SDK2: variants seen among roughly 807,000 people sequenced by gnomAD.
SDK2 encodes the protein sidekick cell adhesion molecule 2.
SDK2 carries 105 observed loss-of-function variants against 253.9 expected under a neutral mutation model. The ratio of observed to expected loss-of-function variants is 0.41; its 90% CI spans 0.35 to 0.49. The LOEUF (loss-of-function observed/expected upper bound fraction) is 0.49. Among genes scored for constraint, SDK2 ranks in the 20% least tolerant of loss-of-function variants. The pLI is 0.06. For synonymous variants in SDK2, 1,249 were observed against 1,234.9 expected (o/e 1.01, Z -0.24); for missense variants, 2,608 against 3,003.0 (o/e 0.87, Z 3.07).
At chr17:73,423,295 A>G in intron 14 of SDK2, 91 bp downstream of exon 14, 1 of 1,219,242 alleles carries the variant, frequency 8.2e-7, no homozygotes, top group Non-Finnish European at 1.1e-6. Context: ...GCCCAGAACT[A>G]GGAAGCAGGA....
In SDK2 at chr17:73,465,844, C is replaced by T. The variant is rs2063593101; in HGVS notation, c.331+6268G>A. On this transcript the variant is annotated intron_variant, in intron 3 of 44. Transcript: ENST00000392650. The surrounding 1 kb of genome is among the most constrained non-coding windows in gnomAD (Gnocchi z 4.2). Reference sequence around the variant, plus strand: ...TTAGGGCCCCAGGACAAGCCCTTGTCACCCCAGGAGACAGGAACAGCCAAG... The same window carrying T: ...TTAGGGCCCCAGGACAAGCCCTTGTTACCCCAGGAGACAGGAACAGCCAAG... 6.6e-6 allele frequency among the ~76,000 whole-genome samples: 1 copy of T among 152,106 alleles called. No individual in the cohort carries two copies. The highest frequency in any genetic ancestry group is 1.5e-5 in the Non-Finnish European group (1 of 68,018).
intron 1 of SDK2, among the ~76,000 whole-genome samples, chr17:73,524,167 A>C (rs1192639721): frequency 2.0e-5 from 3 of 152,088 alleles, no homozygotes; most frequent in African/African-American, 7.2e-5. Context: ...GCTGCTCTGC[A>C]GTTGGGCCTG....
At chr17:73,380,996 G>A in intron 33 of SDK2, 46 bp from the exon 34 acceptor site, 1 of 1,237,324 alleles carries the variant, frequency 8.1e-7, no homozygotes, top group Non-Finnish European at 1.2e-6. Flanking sequence ...GGAGACAGCA[G>A]ACAGAGGAGG....
At chr17:73,388,903 T>A (rs958011024) in intron 29 of SDK2, among the ~76,000 whole-genome samples, 1 of 52,596 alleles carries the variant, frequency 1.9e-5, no homozygotes, top group East Asian at 7.8e-4. Context: ...CCTCCCTCCC[T>A]CCCTCCCTCC....
At chr17:73,406,304 C>T (rs1329006059) in intron 18 of SDK2, among the ~76,000 whole-genome samples, 5 of 147,250 alleles carry the variant, frequency 3.4e-5, no homozygotes, top group South Asian at 2.1e-4. Flanking sequence ...GGTGCAGTGG[C>T]GAGATCTCCG....
At position 73,602,882 on chromosome 17, in the gene SDK2, C is replaced by T. The variant is rs149748552; in HGVS notation, c.64+41143G>A. Among the ~76,000 whole-genome samples, 432 of 152,234 alleles carry T rather than the reference C, an allele frequency of 2.8e-3. 3 individuals carry two copies. Among genetic ancestry groups the T allele is most frequent in the African/African-American group, 1.0e-2 (415 of 41,538 alleles). ...GCTGAAATTACAGGGCCTGCCACCA[C>T]GCCTGGCTAATTTTTGTATTTTAGT... is the stretch of plus-strand genomic sequence containing the variant. On this transcript the variant is annotated intron_variant, in intron 1 of 44. Coordinates refer to ENST00000392650, the MANE Select transcript of SDK2 (RefSeq NM_001144952.2).
At chr17:73,638,660 G>C (rs1474738393) in intron 1 of SDK2, among the ~76,000 whole-genome samples, 1 of 152,000 alleles carries the variant, frequency 6.6e-6, no homozygotes, top group Admixed American at 6.5e-5. Flanking sequence ...GTTCATGTCT[G>C]GGGAGTAGAG....
At chr17:73,584,174 C>A (rs12602838) in intron 1 of SDK2, among the ~76,000 whole-genome samples, 1 of 152,210 alleles carries the variant, frequency 6.6e-6, no homozygotes, top group African/African-American at 2.4e-5. Context: ...ACTGGCCAAC[C>A]GAGAGAGCTG....
chr17:73,363,021 A>G (rs1312909989), intron 38 of SDK2, among the ~76,000 whole-genome samples: 2 of 152,234 alleles, frequency 1.3e-5, no homozygotes, highest in African/African-American at 4.8e-5. Context: ...CAGGGATGCT[A>G]TGAGCTTTAA....
intron 2 of SDK2, among the ~76,000 whole-genome samples, chr17:73,494,778 C>T (rs1048860484): frequency 2.0e-5 from 3 of 152,280 alleles, no homozygotes; most frequent in East Asian, 3.9e-4. Context: ...AGGCCACACT[C>T]GGTCCCCTCA....
In SDK2 at chr17:73,385,858, T is replaced by C. The variant is rs370015319; in HGVS notation, c.4558A>G (p.Ile1520Val). Reference protein sequence around the residue: ...VTPHTTTSVLIRWQPPAEDKI... With the variant: ...VTPHTTTSVLVRWQPPAEDKI... The stretch of plus-strand genomic sequence containing the variant: ...CCGCTGGGCCATACCTGCCATCGGA[T>C]TAGCACGGAGGTGGTGGTGTGGGGC... Residue 1520 changes from isoleucine to valine, a missense_variant, in exon 32 of 45, where the codon ATC (isoleucine) becomes GTC (valine). Physicochemically the swap from Ile to Val is conservative, Grantham distance 29. Around this residue, in one of 2 missense-constraint regions of SDK2, gnomAD observed 1,103 missense variants for 1,143.9 expected, o/e 0.96. Transcript: ENST00000392650. The C allele has an allele frequency of 1.3e-5, 21 of 1,607,572 alleles. No individual in the cohort carries two copies. The African/African-American group carries it at 2.3e-4, about 17-fold the overall frequency.
At chr17:73,396,717 C>G (rs1048033082) in intron 24 of SDK2, among the ~76,000 whole-genome samples, 1 of 152,262 alleles carries the variant, frequency 6.6e-6, no homozygotes, top group Non-Finnish European at 1.5e-5. Context: ...TCTATTCCCC[C>G]ATGCAGTCCC....
At chr17:73,423,784 T>A in intron 13 of SDK2, 132 bp downstream of exon 13, 2 of 835,888 alleles carry the variant, frequency 2.4e-6, no homozygotes, top group Non-Finnish European at 3.6e-6. Context: ...TGGGGGTATG[T>A]CCTGAGCAAA....
chr17:73,478,668 T>C (rs2063702439), intron 2 of SDK2, among the ~76,000 whole-genome samples: 1 of 152,204 alleles, frequency 6.6e-6, no homozygotes, highest in Non-Finnish European at 1.5e-5. Context: ...CTAACAAATG[T>C]GGCATCTTCT....
chr17:73,460,668 A>C (rs1198218774), intron 3 of SDK2, among the ~76,000 whole-genome samples: 2 of 152,218 alleles, frequency 1.3e-5, no homozygotes, highest in African/African-American at 4.8e-5. Context: ...GCAGTTGAGC[A>C]CTTACCCTGC....
chr17:73,487,726 G>A (rs1245905979), intron 2 of SDK2, among the ~76,000 whole-genome samples: 2 of 152,212 alleles, frequency 1.3e-5, no homozygotes, highest in Non-Finnish European at 2.9e-5. Context: ...GGAGATGGGA[G>A]GTCAGAATCA....
intron 1 of SDK2, among the ~76,000 whole-genome samples, chr17:73,509,963 CA>C (rs1358836433): frequency 1.5e-5 from 2 of 137,026 alleles, no homozygotes; most frequent in Non-Finnish European, 3.1e-5. Context: ...TGGAACAAAC[CA>C]ACCGAAGAAG....
intron 9 of SDK2, among the ~76,000 whole-genome samples, chr17:73,434,250 G>C (rs947414720): frequency 2.0e-5 from 3 of 152,250 alleles, no homozygotes; most frequent in African/African-American, 7.2e-5. Flanking sequence ...CCAAGAGGGG[G>C]ACTTCTGCCA....
intron 41 of SDK2, among the ~76,000 whole-genome samples, chr17:73,351,865 A>G (rs1230055809): frequency 6.6e-6 from 1 of 151,800 alleles, no homozygotes; most frequent in Non-Finnish European, 1.5e-5. Flanking sequence ...TGGCAGGGGG[A>G]GGAGGCTGGG....
Sources: allele counts gnomAD v4.1 joint callset (sites outside exome capture counted in the v4.1 genomes callset), GRCh38; gene constraint gnomAD v4.1.1; regional missense constraint gnomAD v4.1.1; non-coding constraint Gnocchi (gnomAD v3.1); transcripts MANE v1.5; gene names NCBI Gene and HGNC (gene_info 2026-07-23, HGNC 2026-07-21).